The following COX7B2 variants were observed in gnomAD, a reference collection of about 807,000 sequenced individuals.
COX7B2 encodes cytochrome c oxidase subunit 7B2, also known as cytochrome c oxidase subunit 7B2, mitochondrial.
For missense variants in COX7B2, 109 were observed against 95.9 expected, an observed-to-expected ratio of 1.14 and a Z score of -0.57; for synonymous variants, 37 against 32.1, an observed-to-expected ratio of 1.15 and a Z score of -0.51.
chr4:46,766,657 T>C lies in COX7B2; in HGVS notation c.-49-31416A>G, dbSNP rs538114224. On this transcript the variant is annotated intron_variant, in intron 2 of 2. Transcript: ENST00000355591. ...CAGAGGTTGTAGTGAGTTGAGATTA[T>C]GCCACTGCACTCCAGCATGGGTGAC... Among the ~76,000 whole-genome samples the C allele has an allele frequency of 3.4e-5, 5 of 146,430 alleles. No homozygotes were observed. In the East Asian group the frequency reaches 1.0e-3, roughly 30 times the overall value.
intron 2 of COX7B2, among the ~76,000 whole-genome samples, chr4:46,743,768 T>A (rs761957895): frequency 6.6e-5 from 10 of 152,100 alleles, no homozygotes; most frequent in African/African-American, 2.4e-4. Flanking sequence ...ATGCTTTTTT[T>A]CCCCCTGAAG....
chr4:46,879,828 C>T (rs193254743), intron 1 of COX7B2, among the ~76,000 whole-genome samples: 18 of 152,022 alleles, frequency 1.2e-4, no homozygotes, highest in African/African-American at 4.3e-4. Context: ...TTTATTGTAC[C>T]CAGAAAGTGC....
intron 2 of COX7B2, among the ~76,000 whole-genome samples, chr4:46,812,909 G>A (rs1341820483): frequency 6.6e-6 from 1 of 152,172 alleles, no homozygotes; most frequent in Non-Finnish European, 1.5e-5. Flanking sequence ...TATTTCCAGG[G>A]TGCAGGCTGC....
chr4:46,793,612 A>G (rs1718164341), intron 2 of COX7B2, among the ~76,000 whole-genome samples: 1 of 152,186 alleles, frequency 6.6e-6, no homozygotes, highest in African/African-American at 2.4e-5. Context: ...GTGCAGCTCA[A>G]ACACCACATA....
intron 1 of COX7B2, among the ~76,000 whole-genome samples, chr4:46,887,738 T>C (rs1194739484): frequency 7.1e-6 from 1 of 141,810 alleles, no homozygotes; most frequent in East Asian, 2.0e-4. Context: ...AAAAAGGAAG[T>C]ATCCTATACA....
At chr4:46,892,254 C>T (rs188423201) in intron 1 of COX7B2, among the ~76,000 whole-genome samples, 1 of 152,274 alleles carries the variant, frequency 6.6e-6, no homozygotes, top group Admixed American at 6.5e-5. Flanking sequence ...CAATATTACA[C>T]TAATTGTTTA....
At chr4:46,775,272 C>T (rs554942040) in intron 2 of COX7B2, among the ~76,000 whole-genome samples, 1 of 151,998 alleles carries the variant, frequency 6.6e-6, no homozygotes, top group Non-Finnish European at 1.5e-5. Context: ...TTTTGCAAAC[C>T]AGAGTATCAG....
chr4:46,805,870 A>T (rs151277532), intron 2 of COX7B2, among the ~76,000 whole-genome samples: 1 of 152,324 alleles, frequency 6.6e-6, no homozygotes, highest in African/African-American at 2.4e-5. Context: ...ATTTAAAGAC[A>T]TGGGGAAGAT....
At chr4:46,873,935 G>A (rs957553485) in intron 1 of COX7B2, among the ~76,000 whole-genome samples, 3 of 151,940 alleles carry the variant, frequency 2.0e-5, no homozygotes, top group Admixed American at 6.6e-5. Flanking sequence ...TTAAGTAGAG[G>A]TATTATTTTC....
At chr4:46,764,265 C>T (rs926572410) in intron 2 of COX7B2, among the ~76,000 whole-genome samples, 14 of 152,106 alleles carry the variant, frequency 9.2e-5, no homozygotes, top group Non-Finnish European at 1.8e-4. Flanking sequence ...AATACTGGAG[C>T]CAGGCACAGT....
rs973317032 is a variant in COX7B2 at position 46,880,411 on chromosome 4, G to A, written c.-105+28749C>T. ...TCAGCATAAATCTATCAGGTCCTGG[G>A]CTTTTTTTTTTTTTTTTTTTTTTCT... is the stretch of plus-strand genomic sequence containing the variant. On this transcript the variant is annotated intron_variant, in intron 1 of 2. Transcript: ENST00000355591. Among the ~76,000 whole-genome samples the A allele has an allele frequency of 6.5e-5, 6 of 92,372 alleles. No individual in the cohort carries two copies. The Admixed American group carries it at 6.7e-4, about 10-fold the overall frequency. 60.6% of individuals were successfully genotyped at this position (92,372 alleles called of 152,430 possible). A position where few individuals can be genotyped will look rare whatever the true frequency, so the allele number is the denominator to read the frequency against.
At chr4:46,876,405 T>A (rs1718337052) in intron 1 of COX7B2, among the ~76,000 whole-genome samples, 1 of 90,808 alleles carries the variant, frequency 1.1e-5, no homozygotes, top group Non-Finnish European at 2.4e-5. Flanking sequence ...TCCTATTGTC[T>A]TTTTTTTTTT....
Position 46,759,773 on chromosome 4 carries a change from T to TAA in COX7B2, c.-49-24533_-49-24532insTT, listed in dbSNP as rs775270766. ...TAGGAAAAGTGTTATATAAGTTATATGTCTTATCTTATATAAGTTATATAA... is the reference window on the plus strand; with the variant it reads ...TAGGAAAAGTGTTATATAAGTTATATAAGTCTTATCTTATATAAGTTATATAA... On this transcript the variant is annotated intron_variant, in intron 2 of 2. Transcript: ENST00000355591. 5.3e-5 allele frequency among the ~76,000 whole-genome samples: 8 copies of TAA among 149,584 alleles called. No individual in the cohort carries two copies. In the East Asian group the frequency reaches 1.4e-3, roughly 26 times the overall value.
chr4:46,900,585 C>A (rs1290917402), intron 1 of COX7B2, among the ~76,000 whole-genome samples: 1 of 152,136 alleles, frequency 6.6e-6, no homozygotes, highest in Admixed American at 6.5e-5. Context: ...AAAACAAATA[C>A]TGCTATGATT....
chr4:46,836,551 C>T (rs757544974), intron 2 of COX7B2, among the ~76,000 whole-genome samples: 1 of 151,408 alleles, frequency 6.6e-6, no homozygotes, highest in Non-Finnish European at 1.5e-5. Flanking sequence ...CTGGAATATC[C>T]TATGGAATGA....
intron 1 of COX7B2, among the ~76,000 whole-genome samples, chr4:46,864,938 C>T (rs116050900): frequency 0.011 from 1,685 of 152,238 alleles, 28 homozygotes; most frequent in African/African-American, 0.038. Flanking sequence ...GGCACCGCAC[C>T]TGGGCTTTTA....
At chr4:46,891,154 G>GT (rs1372093910) in intron 1 of COX7B2, among the ~76,000 whole-genome samples, 1 of 152,136 alleles carries the variant, frequency 6.6e-6, no homozygotes, top group Non-Finnish European at 1.5e-5. Context: ...GTAACTAGAC[G>GT]TTACTGTTTA....
chr4:46,814,449 C>G (rs1719444215), intron 2 of COX7B2, among the ~76,000 whole-genome samples: 1 of 152,152 alleles, frequency 6.6e-6, no homozygotes, highest in Non-Finnish European at 1.5e-5. Context: ...CATTTTCCCA[C>G]AAAAATTACT....
intron 2 of COX7B2, among the ~76,000 whole-genome samples, chr4:46,738,538 T>C (rs375524978): frequency 3.9e-5 from 6 of 152,220 alleles, no homozygotes; most frequent in East Asian, 3.9e-4. Flanking sequence ...ATCTATCTTA[T>C]CTTTATCTTT....
Sources: gnomAD v4.1 joint callset for allele counts (sites outside exome capture counted in the v4.1 genomes callset) on GRCh38, gnomAD v4.1.1 for gene constraint, MANE v1.5 for transcripts, NCBI Gene and HGNC (gene_info 2026-07-23, HGNC 2026-07-21) for gene names.